Variants in PTPRD observed in about 807,000 individuals in gnomAD.
PTPRD encodes protein tyrosine phosphatase receptor type D, also known as receptor-type tyrosine-protein phosphatase delta.
Under a neutral mutation model 214.5 loss-of-function variants are expected in PTPRD, and 34 were observed. The observed-to-expected ratio is 0.16, with a 90% CI of 0.12 to 0.21. The LOEUF is 0.21. Ranked by LOEUF, PTPRD falls within the 10% of genes least tolerant of loss-of-function variation. PTPRD has a pLI of 1.00. For synonymous variants in PTPRD, 1,128 were observed against 845.7 expected, an observed-to-expected ratio of 1.33 and a Z score of -5.79; for missense variants, 2,545 against 2,398.7, an observed-to-expected ratio of 1.06 and a Z score of -1.27.
At chr9:10,247,352 G>A (rs4740445) in intron 3 of PTPRD, among the ~76,000 whole-genome samples, 83,709 of 151,902 alleles carry the variant, frequency 0.55, 24,717 homozygotes, top group East Asian at 0.73. Flanking sequence ...CCTCCTAGAG[G>A]TATTAAAATA....
chr9:9,212,078 G>A (rs2099949141), intron 9 of PTPRD, among the ~76,000 whole-genome samples: 1 of 151,926 alleles, frequency 6.6e-6, no homozygotes, highest in Non-Finnish European at 1.5e-5. Flanking sequence ...ATTTTGCCTG[G>A]AAACAGAATA....
chr9:9,744,606 T>G (rs2098439650), intron 6 of PTPRD, among the ~76,000 whole-genome samples: 1 of 151,972 alleles, frequency 6.6e-6, no homozygotes, highest in Non-Finnish European at 1.5e-5. Context: ...AAATTCTGCT[T>G]GGAAGAAAAA....
intron 11 of PTPRD, among the ~76,000 whole-genome samples, chr9:8,887,575 C>T (rs1193287441): frequency 6.6e-6 from 1 of 152,158 alleles, no homozygotes; most frequent in Admixed American, 6.5e-5. Context: ...ATACGTTGCC[C>T]TATAAATCAC....
At chr9:9,651,274 G>C (rs1361022047) in intron 7 of PTPRD, among the ~76,000 whole-genome samples, 2 of 152,176 alleles carry the variant, frequency 1.3e-5, no homozygotes, top group East Asian at 3.9e-4. Flanking sequence ...AAGGATACAA[G>C]TGCAGATTTG....
At chr9:9,273,334 G>A (rs541938402) in intron 9 of PTPRD, among the ~76,000 whole-genome samples, 2 of 151,100 alleles carry the variant, frequency 1.3e-5, no homozygotes, top group Non-Finnish European at 3.0e-5. Flanking sequence ...GAGATCCTCT[G>A]CCACAACAGT....
intron 14 of PTPRD, among the ~76,000 whole-genome samples, chr9:8,563,308 C>T (rs2087238511): frequency 6.6e-6 from 1 of 152,122 alleles, no homozygotes; most frequent in Non-Finnish European, 1.5e-5. Flanking sequence ...TATGTCAAAA[C>T]TATCAGACTG....
intron 7 of PTPRD, among the ~76,000 whole-genome samples, chr9:9,647,004 C>A (rs2096206764): frequency 6.6e-6 from 1 of 152,130 alleles, no homozygotes; most frequent in South Asian, 2.1e-4. Flanking sequence ...GACATTTATA[C>A]ACTGGCCTAC....
chr9:9,232,973 G>C (rs1261783779), intron 9 of PTPRD, among the ~76,000 whole-genome samples: 1 of 152,038 alleles, frequency 6.6e-6, no homozygotes, highest in South Asian at 2.1e-4. Context: ...TAGGAGATGG[G>C]TGTAAGGAAA....
chr9:9,696,918 T>C (rs1008835541), intron 7 of PTPRD, among the ~76,000 whole-genome samples: 1 of 152,104 alleles, frequency 6.6e-6, no homozygotes, highest in Non-Finnish European at 1.5e-5. Context: ...TCTCTGATTG[T>C]ATATTTTGGT....
chr9:8,390,607 A>G (rs1404474400), intron 36 of PTPRD, among the ~76,000 whole-genome samples: 1 of 152,184 alleles, frequency 6.6e-6, no homozygotes, highest in Non-Finnish European at 1.5e-5. Flanking sequence ...CCCTAATGAC[A>G]AAAGAGTAAA....
At chr9:8,641,594 C>G (rs2096577222) in intron 12 of PTPRD, among the ~76,000 whole-genome samples, 1 of 133,840 alleles carries the variant, frequency 7.5e-6, no homozygotes, top group Non-Finnish European at 1.5e-5. Context: ...GCTACGCATG[C>G]ATATGCGTCA....
At chr9:9,991,992 T>C (rs974642161) in intron 4 of PTPRD, among the ~76,000 whole-genome samples, 13 of 152,062 alleles carry the variant, frequency 8.5e-5, no homozygotes, top group African/African-American at 1.2e-4. Context: ...TCAAAAACAT[T>C]ACGCTAAATG....
chr9:10,053,007 G>A (rs1418893477), intron 3 of PTPRD, among the ~76,000 whole-genome samples: 1 of 152,066 alleles, frequency 6.6e-6, no homozygotes, highest in African/African-American at 2.4e-5. Flanking sequence ...GCATTCTAAT[G>A]TAAGATGTGC....
At chr9:9,871,510 C>G (rs528867962) in intron 5 of PTPRD, among the ~76,000 whole-genome samples, 1 of 152,312 alleles carries the variant, frequency 6.6e-6, no homozygotes, top group East Asian at 1.9e-4. Flanking sequence ...CGCTGTATTT[C>G]TAACTCTAGC....
rs138361535 is a variant in PTPRD, at chr9:10,493,748, A to T, written c.-600+118650T>A. On this transcript the variant is annotated intron_variant, in intron 2 of 45. Coordinates refer to ENST00000381196, the MANE Select transcript of PTPRD (RefSeq NM_002839.4). ...AAGTTAAAAATAAGATTTCCCCCAT[A>T]GAATAGATTCATATGTAACATCTTT... 8.5e-5 allele frequency among the ~76,000 whole-genome samples: 13 copies of T among 152,154 alleles called. No homozygotes were observed. The East Asian group carries it at 2.5e-3, about 29-fold the overall frequency.
At chr9:8,501,983 A>G (rs2097419999) in intron 23 of PTPRD, among the ~76,000 whole-genome samples, 2 of 152,194 alleles carry the variant, frequency 1.3e-5, no homozygotes, top group Non-Finnish European at 2.9e-5. Context: ...AAACCCAAGT[A>G]TCAACTGGAA....
At chr9:10,090,757 A>C (rs2098419160) in intron 3 of PTPRD, among the ~76,000 whole-genome samples, 1 of 147,320 alleles carries the variant, frequency 6.8e-6, no homozygotes, top group African/African-American at 2.5e-5. Context: ...TTAACTCAGA[A>C]ATAGAATAGC....
chr9:10,454,379 C>T (rs1326201697), intron 2 of PTPRD, among the ~76,000 whole-genome samples: 1 of 151,374 alleles, frequency 6.6e-6, no homozygotes, highest in African/African-American at 2.4e-5. Context: ...AATACATCTC[C>T]AGGATCCTTG....
intron 9 of PTPRD, among the ~76,000 whole-genome samples, chr9:9,190,495 C>A (rs999849962): frequency 6.6e-6 from 1 of 152,022 alleles, no homozygotes; most frequent in Non-Finnish European, 1.5e-5. Flanking sequence ...CACCATGATT[C>A]TGAGGCCCCC....
Sources: gnomAD v4.1 joint callset for allele counts (sites outside exome capture counted in the v4.1 genomes callset) on GRCh38, gnomAD v4.1.1 for gene constraint, MANE v1.5 for transcripts, NCBI Gene and HGNC (gene_info 2026-07-23, HGNC 2026-07-21) for gene names.